The following VPS54 variants were observed in gnomAD, a reference collection of about 807,000 sequenced individuals.
VPS54 encodes VPS54 subunit of GARP complex, also known as vacuolar protein sorting-associated protein 54.
Under a neutral mutation model 121.5 loss-of-function variants are expected in VPS54, and 45 were observed. The observed-to-expected ratio is 0.37, with a 90% CI of 0.29 to 0.47. VPS54 has a LOEUF of 0.47. Among genes scored for constraint, VPS54 ranks in the 20% least tolerant of loss-of-function variants. VPS54 has a pLI of 0.99. For missense variants in VPS54, 1,090 were observed against 1,131.4 expected, an observed-to-expected ratio of 0.96 and a Z score of 0.52; for synonymous variants, 371 against 385.8, an observed-to-expected ratio of 0.96 and a Z score of 0.45.
At chr2:63,954,272 T>C (rs1675390420) in intron 7 of VPS54, among the ~76,000 whole-genome samples, 1 of 152,114 alleles carries the variant, frequency 6.6e-6, no homozygotes, top group Admixed American at 6.5e-5. Context: ...AGAATGAACT[T>C]GAGGAGGTTC....
At chr2:63,954,228 A>G (rs1330768283) in intron 7 of VPS54, among the ~76,000 whole-genome samples, 1 of 152,186 alleles carries the variant, frequency 6.6e-6, no homozygotes, top group Admixed American at 6.5e-5. Context: ...AAAACTGTCA[A>G]TAACTACTTA....
intron 15 of VPS54, among the ~76,000 whole-genome samples, chr2:63,919,658 A>G (rs1479612466): frequency 6.6e-6 from 1 of 152,104 alleles, no homozygotes; most frequent in Non-Finnish European, 1.5e-5. Flanking sequence ...GGAGTAATGC[A>G]TGTAAAGAAC....
chr2:63,927,845 T>C (rs910378768), intron 12 of VPS54, among the ~76,000 whole-genome samples: 13 of 152,100 alleles, frequency 8.5e-5, no homozygotes, highest in African/African-American at 2.7e-4. Flanking sequence ...AGAACCACAG[T>C]ACAAGAACTT....
chr2:63,923,239 C>G (rs1344992201), intron 12 of VPS54, among the ~76,000 whole-genome samples: 8 of 151,904 alleles, frequency 5.3e-5, no homozygotes, highest in African/African-American at 1.5e-4. Context: ...TGGTGTGAAC[C>G]CGGTAGGCAG....
chr2:63,986,136 C>G (rs1677039883), intron 1 of VPS54, among the ~76,000 whole-genome samples: 1 of 152,144 alleles, frequency 6.6e-6, no homozygotes, highest in African/African-American at 2.4e-5. Context: ...TCAAATTATA[C>G]TTTTAGTTAT....
chr2:63,962,434 A>G lies in VPS54; in HGVS notation c.634T>C (p.Tyr212His). The change falls in exon 7 of 23, where the codon TAT (tyrosine) becomes CAT (histidine). Residue 212 changes from tyrosine to histidine, a missense_variant. Tyr to His is a moderately conservative substitution (Grantham distance 83). Around this residue, in one of 2 missense-constraint regions of VPS54, gnomAD observed 801 missense variants for 757.0 expected, o/e 1.06. Coordinates refer to ENST00000272322, the MANE Select transcript of VPS54 (RefSeq NM_016516.3). ...ATGTTTACTTCCACAATATCCAGAT[A>G]ATGGCTCAGCTTAAAAGAGAAGGAA... ...SKLLQEKLSH[Y>H]LDIVEVNIAH... 6.2e-7 allele frequency: 1 copy of G among 1,609,936 alleles called. No homozygotes were observed. Among genetic ancestry groups the G allele is most frequent in the Non-Finnish European group, 8.5e-7 (1 of 1,177,764 alleles).
At chr2:63,958,972 C>T (rs1331477262) in intron 7 of VPS54, among the ~76,000 whole-genome samples, 1 of 151,976 alleles carries the variant, frequency 6.6e-6, no homozygotes, top group Non-Finnish European at 1.5e-5. Context: ...TTCTTATTTC[C>T]TAATGGGAGA....
chr2:64,003,206 C>G (rs899492891), intron 1 of VPS54, among the ~76,000 whole-genome samples: 6 of 152,024 alleles, frequency 3.9e-5, no homozygotes, highest in Non-Finnish European at 8.8e-5. Flanking sequence ...ACACAAAATA[C>G]AGGAAAACGG....
At chr2:63,996,924 T>G (rs1482401028) in intron 1 of VPS54, among the ~76,000 whole-genome samples, 1 of 152,204 alleles carries the variant, frequency 6.6e-6, no homozygotes, top group Non-Finnish European at 1.5e-5. Context: ...ACCCACACCC[T>G]ATTCATACAC....
At chr2:63,968,825 G>A in intron 5 of VPS54, 132 bp downstream of exon 5, 1 of 685,896 alleles carries the variant, frequency 1.5e-6, no homozygotes, top group South Asian at 1.7e-5. Context: ...GAAAAGTGAT[G>A]CAACACAGCC....
chr2:63,912,758 T>G, intron 18 of VPS54, 97 bp from the exon 19 acceptor site: 1 of 1,433,230 alleles, frequency 7.0e-7, no homozygotes, highest in South Asian at 1.4e-5. Flanking sequence ...AAAACATCAC[T>G]TATAAAGAAC....
At chr2:63,911,492 A>G (rs1673147615) in intron 20 of VPS54, among the ~76,000 whole-genome samples, 2 of 152,138 alleles carry the variant, frequency 1.3e-5, no homozygotes, top group Admixed American at 1.3e-4. Flanking sequence ...GATGCTATTT[A>G]TCTATTTTAC....
At chr2:63,948,116 C>G (rs912494486) in intron 8 of VPS54, among the ~76,000 whole-genome samples, 2 of 152,038 alleles carry the variant, frequency 1.3e-5, no homozygotes, top group African/African-American at 4.8e-5. Flanking sequence ...TAGGCCTGAC[C>G]CACTGCACCT....
intron 7 of VPS54, among the ~76,000 whole-genome samples, chr2:63,961,238 T>C (rs1231026784): frequency 2.0e-5 from 3 of 152,186 alleles, no homozygotes; most frequent in Non-Finnish European, 4.4e-5. Context: ...AATCAATCAA[T>C]TGTTCATCTA....
chr2:63,943,730 T>TCTTTC (rs70965153), intron 10 of VPS54, among the ~76,000 whole-genome samples: 9 of 137,414 alleles, frequency 6.5e-5, no homozygotes, highest in Admixed American at 1.4e-4. Context: ...TTTCTTTCTT[T>TCTTTC]TTTTTTTTTT....
chr2:63,897,448 A>T, intron 22 of VPS54, 48 bp downstream of exon 22: 2 of 1,300,766 alleles, frequency 1.5e-6, no homozygotes, highest in Non-Finnish European at 2.2e-6. Flanking sequence ...ACTGATCATT[A>T]AAACAATTCG....
chr2:63,909,664 C>T (rs1208104545), intron 20 of VPS54, among the ~76,000 whole-genome samples: 4 of 150,898 alleles, frequency 2.7e-5, no homozygotes, highest in African/African-American at 9.7e-5. Context: ...ACGATCCACC[C>T]ACCTCGGCCT....
At chr2:63,931,794 TAAAC>T (rs1674216929) in intron 12 of VPS54, among the ~76,000 whole-genome samples, 1 of 151,996 alleles carries the variant, frequency 6.6e-6, no homozygotes, top group East Asian at 1.9e-4. Context: ...ACAAAGAACT[TAAAC>T]AAATTTACAA....
intron 18 of VPS54, among the ~76,000 whole-genome samples, chr2:63,912,920 A>C (rs1391491477): frequency 6.6e-6 from 1 of 152,150 alleles, no homozygotes; most frequent in Non-Finnish European, 1.5e-5. Context: ...AAGACAACTG[A>C]TTCTCTTATG....
Sources: allele counts gnomAD v4.1 joint callset (sites outside exome capture counted in the v4.1 genomes callset), GRCh38; gene constraint gnomAD v4.1.1; regional missense constraint gnomAD v4.1.1; transcripts MANE v1.5; gene names NCBI Gene and HGNC (gene_info 2026-07-23, HGNC 2026-07-21).